The following SERPINI1 variants were observed in gnomAD, a reference collection of about 807,000 sequenced individuals.
SERPINI1 encodes serpin family I member 1.
In SERPINI1, 19 loss-of-function variants were observed where a neutral mutation model predicts 41.1. That is an observed-to-expected ratio of 0.46 (90% confidence interval 0.32 to 0.68). SERPINI1 has a LOEUF of 0.68. Ranked by LOEUF, SERPINI1 falls within the 30% of genes least tolerant of loss-of-function variation. The pLI is 0.03. For synonymous variants in SERPINI1, 138 were observed against 156.6 expected (o/e 0.88, Z 0.89); for missense variants, 460 against 479.2 (o/e 0.96, Z 0.37).
At chr3:167,780,164 T>C (rs1467461752) in intron 1 of SERPINI1, among the ~76,000 whole-genome samples, 1 of 152,186 alleles carries the variant, frequency 6.6e-6, no homozygotes, top group Non-Finnish European at 1.5e-5. Context: ...AACATTCTTT[T>C]GAATCACTTT....
intron 1 of SERPINI1, among the ~76,000 whole-genome samples, chr3:167,761,663 A>C (rs1726386198): frequency 6.6e-6 from 1 of 152,204 alleles, no homozygotes; most frequent in South Asian, 2.1e-4. Flanking sequence ...TATTGCATTG[A>C]TTACATCTGG....
At chr3:167,757,400 G>A (rs1004695191) in intron 1 of SERPINI1, among the ~76,000 whole-genome samples, 1 of 152,110 alleles carries the variant, frequency 6.6e-6, no homozygotes, top group Non-Finnish European at 1.5e-5. Flanking sequence ...TCTCCTTGGT[G>A]TTACATAGGA....
intron 7 of SERPINI1, among the ~76,000 whole-genome samples, chr3:167,823,919 G>A (rs1239994338): frequency 6.6e-6 from 1 of 152,134 alleles, no homozygotes; most frequent in Non-Finnish European, 1.5e-5. Context: ...GGGGAATTTA[G>A]TAGCCCAGTC....
chr3:167,782,268 C>CA (rs1727157783), intron 1 of SERPINI1, among the ~76,000 whole-genome samples: 1 of 152,068 alleles, frequency 6.6e-6, no homozygotes, highest in Non-Finnish European at 1.5e-5. Flanking sequence ...TATTTTGGTA[C>CA]CACCTTCTGC....
chr3:167,796,269 G>A (rs1727708213), intron 5 of SERPINI1, among the ~76,000 whole-genome samples: 1 of 151,564 alleles, frequency 6.6e-6, no homozygotes. Context: ...ATTATGTTAT[G>A]TCATAATTTA....
intron 1 of SERPINI1, among the ~76,000 whole-genome samples, chr3:167,742,879 C>G (rs1434302195): frequency 6.7e-6 from 1 of 149,766 alleles, no homozygotes; most frequent in Non-Finnish European, 1.5e-5. Context: ...GCAACTCTAA[C>G]CTTCCCATAC....
intron 3 of SERPINI1, among the ~76,000 whole-genome samples, chr3:167,791,995 C>T (rs1251355291): frequency 6.6e-6 from 1 of 152,018 alleles, no homozygotes; most frequent in Non-Finnish European, 1.5e-5. Flanking sequence ...TGTGGTGGCA[C>T]ACACCTGTAA....
intron 1 of SERPINI1, among the ~76,000 whole-genome samples, chr3:167,788,196 G>T (rs1204577237): frequency 6.6e-6 from 1 of 152,136 alleles, no homozygotes; most frequent in Non-Finnish European, 1.5e-5. Flanking sequence ...CTGTTTGTGG[G>T]AAGACAGGGC....
rs1411989122 is a variant in SERPINI1 at position 167,763,369 on chromosome 3, GTGTGTGTGTA to G, written c.-18-25732_-18-25723del. The stretch of plus-strand genomic sequence containing the variant: ...TTCAACCACAGTTTTGTGTGTGTGT[GTGTGTGTGTA>G]TGTGTGTGTGTGTGTGTTGAGACAG... On this transcript the variant is annotated intron_variant, in intron 1 of 8. Coordinates refer to ENST00000446050, the MANE Select transcript of SERPINI1 (RefSeq NM_001122752.2). Among the ~76,000 whole-genome samples the G allele has an allele frequency of 2.7e-3, 403 of 149,372 alleles. 1 individual carries two copies. The highest frequency in any genetic ancestry group is 9.6e-3 in the African/African-American group (379 of 39,622).
intron 6 of SERPINI1, among the ~76,000 whole-genome samples, chr3:167,815,201 C>T (rs910135527): frequency 2.6e-5 from 4 of 152,076 alleles, no homozygotes; most frequent in South Asian, 2.1e-4. Context: ...TGCATGACAT[C>T]GCCTGTTTCT....
At chr3:167,785,743 T>A (rs1439341274) in intron 1 of SERPINI1, among the ~76,000 whole-genome samples, 1 of 152,222 alleles carries the variant, frequency 6.6e-6, no homozygotes, top group African/African-American at 2.4e-5. Flanking sequence ...TTGCCTTGTT[T>A]TATGGAATGC....
intron 1 of SERPINI1, among the ~76,000 whole-genome samples, chr3:167,770,788 C>A (rs1476651911): frequency 1.3e-5 from 2 of 152,138 alleles, no homozygotes; most frequent in Admixed American, 6.5e-5. Context: ...TGACGTGCAT[C>A]TCAAATCTCT....
chr3:167,786,831 A>G (rs910211498), intron 1 of SERPINI1, among the ~76,000 whole-genome samples: 10 of 152,174 alleles, frequency 6.6e-5, no homozygotes, highest in Admixed American at 6.6e-5. Context: ...ATCTGGCTCC[A>G]GTAGTGTACA....
rs182374936 is a variant in SERPINI1 at position 167,754,081 on chromosome 3, G to A, written c.-19+18258G>A. ...GGAAATATTTATACTCCCAGTAACT[G>A]GTTGGAAGAGATGCAGTTATGCCAC... On this transcript the variant is annotated intron_variant, in intron 1 of 8. Coordinates refer to ENST00000446050, the MANE Select transcript of SERPINI1 (RefSeq NM_001122752.2). Among the ~76,000 whole-genome samples the A allele has an allele frequency of 1.2e-4, 18 of 152,260 alleles. No homozygotes were observed. In the East Asian group the frequency reaches 3.5e-3, roughly 29 times the overall value.
intron 6 of SERPINI1, among the ~76,000 whole-genome samples, chr3:167,819,788 G>T (rs903854474): frequency 6.6e-6 from 1 of 152,108 alleles, no homozygotes; most frequent in Non-Finnish European, 1.5e-5. Context: ...GCAACCTAAT[G>T]GGAAATCAAT....
intron 6 of SERPINI1, among the ~76,000 whole-genome samples, chr3:167,812,821 A>T (rs563357607): frequency 6.6e-6 from 1 of 152,334 alleles, no homozygotes; most frequent in East Asian, 1.9e-4. Context: ...ATAAACATGG[A>T]TTATAGAAAG....
chr3:167,748,650 A>T (rs2108533409), intron 1 of SERPINI1, among the ~76,000 whole-genome samples: 1 of 152,246 alleles, frequency 6.6e-6, no homozygotes, highest in South Asian at 2.1e-4. Context: ...TGCGGATTTG[A>T]GGGAATTTGA....
At chr3:167,789,500 G>T in intron 2 of SERPINI1, 122 bp downstream of exon 2, 1 of 1,181,328 alleles carries the variant, frequency 8.5e-7, no homozygotes, top group Admixed American at 1.8e-5. Context: ...CATTGAAATG[G>T]TATGGCTAGA....
At chr3:167,747,630 C>T (rs563402114) in intron 1 of SERPINI1, among the ~76,000 whole-genome samples, 135 of 150,520 alleles carry the variant, frequency 9.0e-4, no homozygotes, top group African/African-American at 3.0e-3. Context: ...GGCGACAGAG[C>T]GAGACTACGT....
Sources: allele counts gnomAD v4.1 joint callset (sites outside exome capture counted in the v4.1 genomes callset), GRCh38; gene constraint gnomAD v4.1.1; transcripts MANE v1.5; gene names NCBI Gene and HGNC (gene_info 2026-07-23, HGNC 2026-07-21).